Variants in BCKDHB observed in about 807,000 individuals in gnomAD.
BCKDHB encodes 2-oxoisovalerate dehydrogenase subunit beta, mitochondrial.
Under a neutral mutation model 48.5 loss-of-function variants are expected in BCKDHB, and 41 were observed. That is an observed-to-expected ratio of 0.85 (90% CI 0.66 to 1.10). The LOEUF is 1.10. Among genes scored for constraint, BCKDHB ranks in the 50% least tolerant of loss-of-function variants. BCKDHB has a pLI of 0.00. For synonymous variants in BCKDHB, 201 were observed against 174.8 expected (o/e 1.15, Z -1.18); for missense variants, 496 against 494.2 (o/e 1.00, Z -0.03).
At chr6:80,370,121 C>T in the BCKDHB span, among the ~76,000 whole-genome samples, 1 of 152,020 alleles carries the variant, frequency 6.6e-6, no homozygotes, top group South Asian at 2.1e-4. Context: ...TAATTCCTAC[C>T]TTCAGAAAAT....
chr6:80,150,620 G>A (rs1262249543), intron 3 of BCKDHB, among the ~76,000 whole-genome samples: 5 of 146,554 alleles, frequency 3.4e-5, no homozygotes, highest in African/African-American at 1.0e-4. Context: ...GCAGTGGTGC[G>A]ATCTTGGCTC....
rs1335454624 is a variant in BCKDHB, at chr6:80,345,159, C to T, written c.*1355C>T. The T allele has an allele frequency of 6.6e-6, 1 of 152,102 alleles. No individual in the cohort carries two copies. The allele number at this position is 152,102 out of a possible 1,614,324, so 9.4% of individuals were successfully genotyped here. On this transcript the variant is annotated 3_prime_UTR_variant, in exon 10 of 10. Coordinates refer to ENST00000320393, the MANE Select transcript of BCKDHB (RefSeq NM_183050.4). ...TTATTCTAACAAAATGAATACATTA[C>T]AAATTATTAAGTTAGCTTTTCAGAG...
At chr6:80,342,954 A>G (rs1178085927) in intron 9 of BCKDHB, among the ~76,000 whole-genome samples, 4 of 152,154 alleles carry the variant, frequency 2.6e-5, no homozygotes, top group Non-Finnish European at 4.4e-5. Flanking sequence ...GGCAACTACA[A>G]TGGATTATGC....
chr6:80,265,430 A>G (rs1269975565), intron 8 of BCKDHB, among the ~76,000 whole-genome samples: 2 of 152,144 alleles, frequency 1.3e-5, no homozygotes, highest in African/African-American at 2.4e-5. Context: ...ACATTATGCA[A>G]CGTGAAATAA....
Position 80,243,026 on chromosome 6 carries a change from C to T in BCKDHB, c.952-30109C>T, listed in dbSNP as rs537583565. ...CTCTCAATTGGGGTTAATCGGGAAA[C>T]GACTCAGGCATAGAGCATCAGGACT... is the stretch of plus-strand genomic sequence containing the variant. On this transcript the variant is annotated intron_variant, in intron 8 of 9. Coordinates refer to ENST00000320393, the MANE Select transcript of BCKDHB (RefSeq NM_183050.4). Among the ~76,000 whole-genome samples the T allele has an allele frequency of 4.6e-5, 7 of 152,190 alleles. No individual in the cohort carries two copies. The East Asian group carries it at 7.7e-4, about 17-fold the overall frequency.
chr6:80,134,396 A>G (rs745935291), intron 3 of BCKDHB, among the ~76,000 whole-genome samples: 10 of 152,194 alleles, frequency 6.6e-5, no homozygotes, highest in Non-Finnish European at 1.5e-4. Context: ...ATACTTTAAT[A>G]CACTGAAGTC....
intron 6 of BCKDHB, among the ~76,000 whole-genome samples, chr6:80,187,727 T>C (rs891577397): frequency 6.6e-6 from 1 of 151,922 alleles, no homozygotes; most frequent in East Asian, 1.9e-4. Context: ...TACGAGAAAA[T>C]GCTCAACATC....
intron 8 of BCKDHB, among the ~76,000 whole-genome samples, chr6:80,209,038 C>T (rs927762042): frequency 1.3e-5 from 2 of 151,784 alleles, no homozygotes; most frequent in African/African-American, 2.4e-5. Context: ...TACAATTCCT[C>T]ATGTTAACAG....
At chr6:80,377,494 C>A in the BCKDHB span, among the ~76,000 whole-genome samples, 1 of 152,064 alleles carries the variant, frequency 6.6e-6, no homozygotes, top group African/African-American at 2.4e-5. Flanking sequence ...AAATTTAGGT[C>A]TTTGACCCAT....
intron 8 of BCKDHB, among the ~76,000 whole-genome samples, chr6:80,256,045 T>C (rs1020710544): frequency 1.3e-5 from 2 of 152,208 alleles, no homozygotes; most frequent in Admixed American, 1.3e-4. Flanking sequence ...TGTCTCTGAA[T>C]TGAGAAACTG....
chr6:80,395,533 G>A, the BCKDHB span, among the ~76,000 whole-genome samples: 4 of 152,182 alleles, frequency 2.6e-5, no homozygotes, highest in Admixed American at 2.0e-4. Flanking sequence ...GTGTCTGGTG[G>A]AATAAATTTC....
At chr6:80,192,404 A>G (rs1417426164) in intron 6 of BCKDHB, among the ~76,000 whole-genome samples, 1 of 152,188 alleles carries the variant, frequency 6.6e-6, no homozygotes, top group Non-Finnish European at 1.5e-5. Context: ...CACCCTATGA[A>G]CAAAGTTTAT....
At chr6:80,280,136 A>G (rs1055933331) in intron 9 of BCKDHB, among the ~76,000 whole-genome samples, 7 of 152,188 alleles carry the variant, frequency 4.6e-5, no homozygotes, top group Non-Finnish European at 1.0e-4. Flanking sequence ...GAAGAATCTT[A>G]AATATTAAGG....
chr6:80,363,988 T>C, the BCKDHB span, among the ~76,000 whole-genome samples: 2 of 152,218 alleles, frequency 1.3e-5, no homozygotes, highest in African/African-American at 4.8e-5. Context: ...CTCCATTGAT[T>C]TGCATATATG....
the BCKDHB span, among the ~76,000 whole-genome samples, chr6:80,421,794 G>C: frequency 6.6e-6 from 1 of 152,110 alleles, no homozygotes; most frequent in Non-Finnish European, 1.5e-5. Context: ...GAAGTGACCT[G>C]GCTGATTCCA....
intron 8 of BCKDHB, among the ~76,000 whole-genome samples, chr6:80,268,695 T>C (rs1777612507): frequency 6.6e-6 from 1 of 152,138 alleles, no homozygotes; most frequent in Admixed American, 6.6e-5. Context: ...GGAAGCTTTA[T>C]GGTTTGCCTA....
chr6:80,254,982 CAA>C lies in BCKDHB; in HGVS notation c.952-18151_952-18150del, dbSNP rs1562178571. Among the ~76,000 whole-genome samples the C allele has an allele frequency of 3.9e-5, 6 of 152,180 alleles. No homozygotes were observed. In the South Asian group the frequency reaches 1.0e-3, roughly 26 times the overall value. On this transcript the variant is annotated intron_variant, in intron 8 of 9. Coordinates refer to ENST00000320393, the MANE Select transcript of BCKDHB (RefSeq NM_183050.4). ...AAAGATCATTCCCCCTCAAATTCCCCAAAGTGTGTGAAACAACAGCTTCATTG... is the reference window on the plus strand; with the variant it reads ...AAAGATCATTCCCCCTCAAATTCCCCAGTGTGTGAAACAACAGCTTCATTG...
At chr6:80,139,169 ATTTG>A (rs1157511173) in intron 3 of BCKDHB, among the ~76,000 whole-genome samples, 1 of 151,990 alleles carries the variant, frequency 6.6e-6, no homozygotes, top group Admixed American at 6.6e-5. Flanking sequence ...TTTCTTGTAA[ATTTG>A]TTTGAGTTCA....
At chr6:80,112,133 A>AT (rs1304650445) in intron 1 of BCKDHB, among the ~76,000 whole-genome samples, 8 of 152,212 alleles carry the variant, frequency 5.3e-5, no homozygotes, top group African/African-American at 1.4e-4. Flanking sequence ...GACACAACAT[A>AT]TAACAGTAAG....
Sources: gnomAD v4.1 joint callset for allele counts (sites outside exome capture counted in the v4.1 genomes callset) on GRCh38, gnomAD v4.1.1 for gene constraint, MANE v1.5 for transcripts, NCBI Gene and HGNC (gene_info 2026-07-23, HGNC 2026-07-21) for gene names.